NRP2: variants seen among roughly 807,000 people sequenced by gnomAD.
NRP2 encodes the protein neuropilin-2.
Under a neutral mutation model 110.4 loss-of-function variants are expected in NRP2, and 52 were observed. The observed-to-expected ratio is 0.47, with a 90% CI of 0.38 to 0.59. NRP2 has a LOEUF of 0.59. NRP2 is among the 20% of genes least tolerant of loss of function. NRP2 has a pLI of 0.00. For missense variants in NRP2, 1,049 were observed against 1,203.0 expected (o/e 0.87, Z 1.89); for synonymous variants, 508 against 468.9 (o/e 1.08, Z -1.08).
chr2:205,699,150 C>T (rs186878846), intron 2 of NRP2, among the ~76,000 whole-genome samples: 12 of 152,348 alleles, frequency 7.9e-5, no homozygotes, highest in Admixed American at 5.2e-4. Context: ...CTTGACTCAA[C>T]GGATGACATA....
intron 1 of NRP2, among the ~76,000 whole-genome samples, chr2:205,688,736 A>G (rs1208116984): frequency 2.0e-5 from 3 of 152,192 alleles, no homozygotes; most frequent in East Asian, 3.8e-4. Context: ...TAAATCCCCC[A>G]TTTCTGAAAA....
At chr2:205,787,133 T>C (rs2058244293) in intron 15 of NRP2, among the ~76,000 whole-genome samples, 3 of 152,144 alleles carry the variant, frequency 2.0e-5, no homozygotes, top group African/African-American at 7.2e-5. Flanking sequence ...CAGTGTTTAC[T>C]TTACAGAGGA....
At chr2:205,730,316 T>A (rs2057211999) in intron 7 of NRP2, among the ~76,000 whole-genome samples, 1 of 148,142 alleles carries the variant, frequency 6.8e-6, no homozygotes, top group African/African-American at 2.5e-5. Context: ...CCGTGCCAAA[T>A]AGATTTGTCA....
intron 7 of NRP2, 127 bp from the exon 8 acceptor site, chr2:205,740,392 A>C: frequency 1.1e-6 from 1 of 939,458 alleles, no homozygotes; most frequent in South Asian, 1.3e-5. Context: ...CAACATACCC[A>C]CTGATTATTT....
At chr2:205,767,445 G>A in intron 15 of NRP2, 1 of 517,662 alleles carries the variant, frequency 1.9e-6, no homozygotes, top group South Asian at 1.4e-5. Context: ...GAATAAGGAG[G>A]TGCATTCGAT....
chr2:205,728,193 T>C, intron 7 of NRP2, 147 bp downstream of exon 7: 1 of 947,748 alleles, frequency 1.1e-6, no homozygotes, highest in Non-Finnish European at 1.7e-6. Flanking sequence ...GTGCTGGCCT[T>C]GAAAATCTTC....
intron 9 of NRP2, among the ~76,000 whole-genome samples, chr2:205,745,187 C>A (rs1575617219): frequency 1.3e-5 from 2 of 152,162 alleles, no homozygotes; most frequent in African/African-American, 4.8e-5. Context: ...TTTCCCTAAA[C>A]AAAGGTTTGG....
chr2:205,773,388 T>C (rs2058052068), intron 15 of NRP2, among the ~76,000 whole-genome samples: 1 of 152,242 alleles, frequency 6.6e-6, no homozygotes, highest in African/African-American at 2.4e-5. Flanking sequence ...CACATAGTAC[T>C]ATTTCTCATT....
chr2:205,729,334 G>GTACT (rs1426689725), intron 7 of NRP2, among the ~76,000 whole-genome samples: 2 of 152,208 alleles, frequency 1.3e-5, no homozygotes, highest in Non-Finnish European at 2.9e-5. Flanking sequence ...GGAAAGTGAG[G>GTACT]TACTTAGCAA....
intron 2 of NRP2, among the ~76,000 whole-genome samples, chr2:205,709,999 C>A (rs2056765336): frequency 6.6e-6 from 1 of 152,222 alleles, no homozygotes; most frequent in African/African-American, 2.4e-5. Context: ...AATCCGCTCA[C>A]TTTTCCTGTT....
chr2:205,777,561 G>C (rs1000756272), intron 15 of NRP2: 2 of 152,224 alleles, frequency 1.3e-5, no homozygotes, highest in African/African-American at 2.4e-5. Context: ...AGGGAGGAGA[G>C]GGAAGAACTG....
intron 6 of NRP2, 90 bp from the exon 7 acceptor site, chr2:205,727,801 A>G (rs849527): frequency 0.54 from 730,290 of 1,343,960 alleles, 207,856 homozygotes; most frequent in East Asian, 0.77. Flanking sequence ...GGTTGGAAGC[A>G]AAGTCTAATG....
intron 2 of NRP2, among the ~76,000 whole-genome samples, chr2:205,702,438 G>A (rs920342749): frequency 6.6e-6 from 1 of 152,194 alleles, no homozygotes; most frequent in African/African-American, 2.4e-5. Context: ...GAGCAACAGA[G>A]GATGGAGTTC....
chr2:205,782,367 G>GA (rs1277671662), intron 15 of NRP2, among the ~76,000 whole-genome samples: 1 of 152,202 alleles, frequency 6.6e-6, no homozygotes, highest in Non-Finnish European at 1.5e-5. Flanking sequence ...TTCATTGCTT[G>GA]AGAGTGTATT....
chr2:205,728,096 A>G, intron 7 of NRP2, 50 bp downstream of exon 7: 1 of 1,611,140 alleles, frequency 6.2e-7, no homozygotes, highest in Non-Finnish European at 8.5e-7. Context: ...GGCAGGAGGG[A>G]TGGGATCAGG....
intron 16 of NRP2, among the ~76,000 whole-genome samples, chr2:205,792,708 C>G (rs1182686759): frequency 6.6e-6 from 1 of 152,138 alleles, no homozygotes; most frequent in African/African-American, 2.4e-5. Flanking sequence ...TTGGGGGAAA[C>G]CTTCCTCACA....
chr2:205,766,668 C>A, intron 14 of NRP2, 115 bp from the exon 15 acceptor site: 1 of 963,790 alleles, frequency 1.0e-6, no homozygotes. Flanking sequence ...TGGAGTGGTA[C>A]AAAAAAACCG....
At chr2:205,780,684 G>A (rs1213134777) in intron 15 of NRP2, among the ~76,000 whole-genome samples, 1 of 152,170 alleles carries the variant, frequency 6.6e-6, no homozygotes, top group Non-Finnish European at 1.5e-5. Flanking sequence ...CTGAGAAAAT[G>A]TACATGTTCA....
At chr2:205,782,352 G>A (rs868255624) in intron 15 of NRP2, among the ~76,000 whole-genome samples, 2 of 152,138 alleles carry the variant, frequency 1.3e-5, no homozygotes, top group South Asian at 2.1e-4. Flanking sequence ...CTCTTTTCTC[G>A]GAGTTTCATT....
Sources: gnomAD v4.1 joint callset for allele counts (sites outside exome capture counted in the v4.1 genomes callset) on GRCh38, gnomAD v4.1.1 for gene constraint, MANE v1.5 for transcripts, NCBI Gene and HGNC (gene_info 2026-07-23, HGNC 2026-07-21) for gene names.